The following ANKRD11 variants were observed in gnomAD, a reference collection of about 807,000 sequenced individuals.
ANKRD11 encodes the protein ankyrin repeat domain-containing protein 11.
Under a neutral mutation model 195.7 loss-of-function variants are expected in ANKRD11, and 17 were observed. The ratio of observed to expected loss-of-function variants is 0.09; its 90% CI spans 0.06 to 0.13. The LOEUF (loss-of-function observed/expected upper bound fraction) is 0.13, where lower values mean the gene tolerates loss of function less well. Ranked by LOEUF, ANKRD11 falls within the 10% of genes least tolerant of loss-of-function variation. ANKRD11 has a pLI of 1.00. For synonymous variants in ANKRD11, 1,953 were observed against 1,528.1 expected (o/e 1.28, Z -6.49); for missense variants, 3,735 against 3,566.1 (o/e 1.05, Z -1.21).
At chr16:89,432,944 ATCTCTCTCTCTCTCTCTCTCTCTC>A (rs56770747) in intron 1 of ANKRD11, among the ~76,000 whole-genome samples, 3 of 108,732 alleles carry the variant, frequency 2.8e-5, no homozygotes, top group East Asian at 2.8e-4. Context: ...CAGAGACCCT[ATCTCTCTCTCTCTCTCTCTCTCTC>A]TCTCTCTCTC....
intron 2 of ANKRD11, among the ~76,000 whole-genome samples, chr16:89,350,189 C>T (rs766693232): frequency 3.9e-5 from 6 of 152,150 alleles, no homozygotes; most frequent in African/African-American, 7.2e-5. Context: ...CACCATGTAA[C>T]GGCAAGGACA....
chr16:89,281,593 T>G lies in ANKRD11; in HGVS notation c.4949A>C (p.Lys1650Thr). ...KKPPGLDPPF[K>T]DKKLKESTPI... ...AGTCGACTCTTTGAGCTTTTTGTCT[T>G]TAAATGGAGGGTCCAGCCCCGGCGG... Residue 1650 changes from lysine to threonine, a missense_variant, in exon 9 of 13, where the codon AAA (lysine) becomes ACA (threonine). Lys to Thr is a moderately conservative substitution (Grantham distance 78, BLOSUM62 -1). Coordinates refer to ENST00000301030, the MANE Select transcript of ANKRD11 (RefSeq NM_013275.6). The surrounding 1 kb of genome is among the most constrained non-coding windows in gnomAD (Gnocchi z 5.5). The G allele has an allele frequency of 6.2e-7, 1 of 1,614,186 alleles. No homozygotes were observed. The highest frequency in any genetic ancestry group is 8.5e-7 in the Non-Finnish European group (1 of 1,180,026).
chr16:89,432,236 TACACACACACACACACACACAC>T (rs59807718), intron 1 of ANKRD11, among the ~76,000 whole-genome samples: 1 of 142,854 alleles, frequency 7.0e-6, no homozygotes, highest in Admixed American at 7.0e-5. Context: ...CGTGATGCAG[TACACACACACACACACACACAC>T]ACACACACAC....
chr16:89,372,276 T>C (rs915113976), intron 2 of ANKRD11, among the ~76,000 whole-genome samples: 1 of 152,162 alleles, frequency 6.6e-6, no homozygotes, highest in Admixed American at 6.5e-5. Flanking sequence ...TCACTGAGAT[T>C]AAGAGGGGCT....
chr16:89,427,045 C>G (rs1016830935), intron 1 of ANKRD11, among the ~76,000 whole-genome samples: 1 of 152,218 alleles, frequency 6.6e-6, no homozygotes, highest in African/African-American at 2.4e-5. Context: ...GGTCTTCAGT[C>G]AGTCAGTCAA....
Position 89,404,865 on chromosome 16 carries a change from T to C in ANKRD11, c.-60+13419A>G, listed in dbSNP as rs59691592. Reference sequence around the variant, plus strand: ...TACACAATAAAAGAACCACTGTAAATCACACTATTGACTCTTGCTTGGTTG... The same window carrying C: ...TACACAATAAAAGAACCACTGTAAACCACACTATTGACTCTTGCTTGGTTG... On this transcript the variant is annotated intron_variant, in intron 2 of 12. Transcript: ENST00000301030. 2.1e-4 allele frequency among the ~76,000 whole-genome samples: 32 copies of C among 152,344 alleles called. No individual in the cohort carries two copies. In the East Asian group the frequency reaches 6.2e-3, roughly 29 times the overall value.
chr16:89,384,284 A>C (rs2040793554), intron 2 of ANKRD11, among the ~76,000 whole-genome samples: 1 of 152,204 alleles, frequency 6.6e-6, no homozygotes, highest in Non-Finnish European at 1.5e-5. Context: ...TAATCCCAGC[A>C]CTTTGGGAGA....
Position 89,275,086 on chromosome 16 carries a change from C to T in ANKRD11, c.7569+7G>A, listed in dbSNP as rs1420864059. On this transcript the variant is annotated splice_region_variant and intron_variant, in intron 10 of 12. Coordinates refer to ENST00000301030, the MANE Select transcript of ANKRD11 (RefSeq NM_013275.6). ...TGGCGCCCCCCTGCCTGTGCCAGCC[C>T]ACTTACCCGCTCGATGCTGTGCTGT... 6.2e-7 allele frequency: 1 copy of T among 1,612,810 alleles called. No individual in the cohort carries two copies. Among genetic ancestry groups the T allele is most frequent in the Non-Finnish European group, 8.5e-7 (1 of 1,179,642 alleles).
At chr16:89,485,062 A>AT (rs1192321298) in intron 1 of ANKRD11, among the ~76,000 whole-genome samples, 2 of 134,022 alleles carry the variant, frequency 1.5e-5, no homozygotes, top group Non-Finnish European at 3.3e-5. Context: ...AGAAGACTGG[A>AT]TTTTCACTCA....
rs1160274946 is a variant in ANKRD11 at position 89,282,410 on chromosome 16, C to T, written c.4132G>A (p.Glu1378Lys). ...KEKAEKKEKGEDYKEGGSRKD... is the reference protein window; with the variant it reads ...KEKAEKKEKGKDYKEGGSRKD... Reference sequence around the variant, plus strand: ...CTGCTACCGCCCTCCTTGTAATCTTCGCCCTTCTCTTTCTTCTCGGCCTTC... The same window carrying T: ...CTGCTACCGCCCTCCTTGTAATCTTTGCCCTTCTCTTTCTTCTCGGCCTTC... Residue 1378 changes from glutamate to lysine, a missense_variant, in exon 9 of 13, where the codon GAA becomes AAA. By Grantham distance (56) the Glu-to-Lys change is moderately conservative (BLOSUM62 1). Transcript: ENST00000301030. 5.0e-6 allele frequency: 8 copies of T among 1,614,068 alleles called. No homozygotes were observed. The highest frequency in any genetic ancestry group is 6.8e-6 in the Non-Finnish European group (8 of 1,180,046).
chr16:89,405,099 C>A (rs1461304660), intron 2 of ANKRD11, among the ~76,000 whole-genome samples: 1 of 152,146 alleles, frequency 6.6e-6, no homozygotes, highest in Non-Finnish European at 1.5e-5. Flanking sequence ...ACTGCCCACA[C>A]CAGTTAACCT....
chr16:89,355,390 G>C (rs144882481), intron 2 of ANKRD11, among the ~76,000 whole-genome samples: 1 of 152,222 alleles, frequency 6.6e-6, no homozygotes, highest in Non-Finnish European at 1.5e-5. Flanking sequence ...CAGAAGAGCT[G>C]ATTAAGTTTC....
At chr16:89,405,900 A>G (rs2041886212) in intron 2 of ANKRD11, among the ~76,000 whole-genome samples, 1 of 152,104 alleles carries the variant, frequency 6.6e-6, no homozygotes. Context: ...ACCTGAGGAC[A>G]GGAGTTCGAG....
chr16:89,368,914 T>A (rs11861957), intron 2 of ANKRD11, among the ~76,000 whole-genome samples: 4,425 of 152,164 alleles, frequency 0.029, 146 homozygotes, highest in African/African-American at 0.074. Context: ...ATTTAAAAAA[T>A]GGGCACACAG....
At chr16:89,478,997 C>A (rs1399229109) in intron 1 of ANKRD11, among the ~76,000 whole-genome samples, 1 of 152,160 alleles carries the variant, frequency 6.6e-6, no homozygotes, top group African/African-American at 2.4e-5. Flanking sequence ...GTCACCGGGG[C>A]TAGAGACCAG....
intron 3 of ANKRD11, among the ~76,000 whole-genome samples, chr16:89,315,754 A>C (rs149813490): frequency 7.2e-5 from 11 of 152,124 alleles, no homozygotes; most frequent in African/African-American, 2.4e-4. Context: ...CGTATTCACA[A>C]AATGCTTCAC....
chr16:89,308,485 T>A (rs532987088), intron 3 of ANKRD11, among the ~76,000 whole-genome samples: 4 of 151,890 alleles, frequency 2.6e-5, no homozygotes, highest in South Asian at 4.1e-4. Flanking sequence ...AAAGAAAATA[T>A]CCAAATAAGA....
chr16:89,444,101 G>T (rs1232009394), intron 1 of ANKRD11, among the ~76,000 whole-genome samples: 1 of 152,004 alleles, frequency 6.6e-6, no homozygotes, highest in East Asian at 1.9e-4. Context: ...AACTCACTTC[G>T]GTATTTTACA....
In ANKRD11 at chr16:89,285,708, G is replaced by T; in HGVS notation, c.893-59C>A. On this transcript the variant is annotated intron_variant, in intron 8 of 12. Coordinates refer to ENST00000301030, the MANE Select transcript of ANKRD11 (RefSeq NM_013275.6). This position sits in a 1 kb window ranked among gnomAD's most constrained non-coding sequence, Gnocchi z 5.6. ...GGCTCAAAACAGCTCTCCCCAGAAT[G>T]GCAGAGGAGGGAGGCTCTGCAGATG... 6.4e-7 allele frequency: 1 copy of T among 1,564,236 alleles called. No homozygotes were observed. The highest frequency in any genetic ancestry group is 1.1e-5 in the South Asian group (1 of 89,886).
Sources: gnomAD v4.1 joint callset for allele counts (sites outside exome capture counted in the v4.1 genomes callset) on GRCh38, gnomAD v4.1.1 for gene constraint, Gnocchi (gnomAD v3.1) non-coding constraint, MANE v1.5 for transcripts, NCBI Gene and HGNC (gene_info 2026-07-23, HGNC 2026-07-21) for gene names.